Variants in SMAD2 observed in about 807,000 individuals in gnomAD.
SMAD2 encodes the protein MAD homolog 2.
Under a neutral mutation model 64.4 loss-of-function variants are expected in SMAD2, and 8 were observed. That is an observed-to-expected ratio of 0.12 (90% CI 0.07 to 0.22). The LOEUF is 0.22. Among genes scored for constraint, SMAD2 ranks in the 10% least tolerant of loss-of-function variants. The pLI is 1.00. For missense variants in SMAD2, 289 were observed against 561.2 expected (o/e 0.51, Z 4.90); for synonymous variants, 203 against 195.8 (o/e 1.04, Z -0.31).
chr18:47,886,570 C>CATCT (rs5824712), intron 2 of SMAD2, among the ~76,000 whole-genome samples: 49,979 of 146,606 alleles, frequency 0.34, 8,245 homozygotes, highest in South Asian at 0.39. Flanking sequence ...TATATCTATC[C>CATCT]ATCTATCTAT....
intron 10 of SMAD2, among the ~76,000 whole-genome samples, chr18:47,842,491 G>T: frequency 6.6e-6 from 1 of 152,174 alleles, no homozygotes. Context: ...AGTGAGCCGA[G>T]ATCATGCCAC....
At chr18:47,920,893 G>A (rs538541589) in intron 1 of SMAD2, among the ~76,000 whole-genome samples, 9 of 152,326 alleles carry the variant, frequency 5.9e-5, no homozygotes, top group Non-Finnish European at 1.2e-4. Context: ...AGTGGCTTAC[G>A]CCTGTAATCC....
intron 1 of SMAD2, among the ~76,000 whole-genome samples, chr18:47,920,843 A>C (rs2034531206): frequency 6.6e-6 from 1 of 152,230 alleles, no homozygotes. Flanking sequence ...GAAACATTCA[A>C]CAGAGGACTG....
chr18:47,842,021 G>A (rs1914000438), intron 10 of SMAD2, 71 bp from the exon 11 acceptor site: 1 of 1,504,728 alleles, frequency 6.6e-7, no homozygotes, highest in Non-Finnish European at 9.2e-7. Flanking sequence ...CTATGTTTAG[G>A]TACACTGCAT....
At position 47,833,086 on chromosome 18, in the gene SMAD2, G is replaced by A. The variant is rs999186206; in HGVS notation, c.*8741C>T. ...TAAAAATTAAAACAATTAAAAATTA[G>A]TCCCATAGTAACATGGTAAACAACT... is the stretch of plus-strand genomic sequence containing the variant. On this transcript the variant is annotated 3_prime_UTR_variant, in exon 11 of 11. Coordinates refer to ENST00000262160, the MANE Select transcript of SMAD2 (RefSeq NM_005901.6). 3.7e-5 allele frequency: 7 copies of A among 187,198 alleles called. No homozygotes were observed. The highest frequency in any genetic ancestry group is 1.2e-4 in the African/African-American group (5 of 42,746). The allele number at this position is 187,198 out of a possible 1,614,324, so 11.6% of individuals were successfully genotyped here. A position where few individuals can be genotyped will look rare whatever the true frequency, so the allele number is the denominator to read the frequency against.
rs969431215 is a variant in SMAD2, at chr18:47,812,503, A to T, written c.*29324T>A. On this transcript the variant is annotated 3_prime_UTR_variant, in exon 11 of 11. Transcript: ENST00000262160. ...AGGCACCTTCTTCACAAGGTGGCAG[A>T]AGAGAGTGTGAGTGTGTGAAAGTAC... The T allele has an allele frequency of 2.0e-5, 3 of 152,288 alleles. No individual in the cohort carries two copies. The highest frequency in any genetic ancestry group is 4.8e-5 in the African/African-American group (2 of 41,438). The allele number at this position is 152,288 out of a possible 1,614,324, so 9.4% of individuals were successfully genotyped here. A position where few individuals can be genotyped will look rare whatever the true frequency, so the allele number is the denominator to read the frequency against.
rs2033450448 is a variant in SMAD2 at position 47,896,655 on chromosome 18, A to G, written c.102T>C (p.Asn34=). ...GSGGAGGGEQ[N]GQEEKWCEKA... ...TCTCACACCACTTTTCTTCCTGCCC[A>G]TTCTGCTCTCCTCCGCCTGCTCCTC... is the stretch of plus-strand genomic sequence containing the variant. The change falls in exon 2 of 11, where the codon AAT becomes AAC. Residue 34 remains asparagine (N), a synonymous_variant. Transcript: ENST00000262160. The G allele has an allele frequency of 6.2e-7, 1 of 1,613,994 alleles. No individual in the cohort carries two copies. The highest frequency in any genetic ancestry group is 8.5e-7 in the Non-Finnish European group (1 of 1,179,974).
At chr18:47,878,547 T>A (rs1827841669) in intron 2 of SMAD2, 1 of 152,136 alleles carries the variant, frequency 6.6e-6, no homozygotes. Flanking sequence ...GGAGGATAGT[T>A]TGAGTTCAGG....
chr18:47,845,896 G>A (rs1279833426), intron 8 of SMAD2, 96 bp from the exon 9 acceptor site: 1 of 1,054,324 alleles, frequency 9.5e-7, no homozygotes, highest in African/African-American at 1.6e-5. Flanking sequence ...AATGATATAA[G>A]GTATTTCCAG....
intron 1 of SMAD2, among the ~76,000 whole-genome samples, chr18:47,902,642 G>T (rs539447966): frequency 6.6e-6 from 1 of 152,282 alleles, no homozygotes; most frequent in Non-Finnish European, 1.5e-5. Flanking sequence ...GTATTCCATA[G>T]AAGGAATTCC....
intron 1 of SMAD2, among the ~76,000 whole-genome samples, chr18:47,901,187 G>A (rs1169896517): frequency 6.6e-6 from 1 of 152,068 alleles, no homozygotes; most frequent in East Asian, 1.9e-4. Flanking sequence ...TAGATGTTTG[G>A]GCTATTTTAC....
At position 47,826,865 on chromosome 18, in the gene SMAD2, C is replaced by A. The variant is rs1912773768; in HGVS notation, c.*14962G>T. Reference sequence around the variant, plus strand: ...AGATTTAGCCATCTAATACTGAGTACCCACTTCAGGCTGAATGATCTCTCA... The same window carrying A: ...AGATTTAGCCATCTAATACTGAGTAACCACTTCAGGCTGAATGATCTCTCA... On this transcript the variant is annotated 3_prime_UTR_variant, in exon 11 of 11. Coordinates refer to ENST00000262160, the MANE Select transcript of SMAD2 (RefSeq NM_005901.6). 6.6e-6 allele frequency: 1 copy of A among 152,162 alleles called. No homozygotes were observed. The highest frequency in any genetic ancestry group is 2.4e-5 in the African/African-American group (1 of 41,438). 9.4% of individuals were successfully genotyped at this position (152,162 alleles called of 1,614,324 possible).
Position 47,896,527 on chromosome 18 carries a change from A to G in SMAD2, c.230T>C (p.Ile77Thr). 6.2e-7 allele frequency: 1 copy of G among 1,614,192 alleles called. No homozygotes were observed. The highest frequency in any genetic ancestry group is 8.5e-7 in the Non-Finnish European group (1 of 1,180,000). ...TQNCNTKCVT[I>T]PSTCSEIWGL... ...GGGATCTAACAAAACTTACCTTGGT[A>G]TGGTAACACATTTAGTATTACAGTT... The change falls in exon 2 of 11, where the codon ATA becomes ACA. Residue 77 changes from isoleucine to threonine, a missense_variant. Around this residue, in one of 6 missense-constraint regions of SMAD2, gnomAD observed 89 missense variants for 137.1 expected, o/e 0.65. Coordinates refer to ENST00000262160, the MANE Select transcript of SMAD2 (RefSeq NM_005901.6).
intron 2 of SMAD2, among the ~76,000 whole-genome samples, chr18:47,894,628 AT>A (rs1267895997): frequency 6.6e-6 from 1 of 152,192 alleles, no homozygotes; most frequent in African/African-American, 2.4e-5. Flanking sequence ...AATCACCAGT[AT>A]TCCTCCAGAA....
intron 2 of SMAD2, among the ~76,000 whole-genome samples, chr18:47,876,473 G>A (rs117142848): frequency 6.6e-6 from 1 of 151,970 alleles, no homozygotes; most frequent in African/African-American, 2.4e-5. Flanking sequence ...GTTTCTTAAA[G>A]ACAGATTATC....
intron 6 of SMAD2, 94 bp downstream of exon 6, chr18:47,864,965 C>G: frequency 1.3e-6 from 1 of 774,146 alleles, no homozygotes; most frequent in South Asian, 1.4e-5. Context: ...GTCTCAACTT[C>G]TCTAAATTTA....
rs1300521405 is a variant in SMAD2, at chr18:47,881,516, T to C, written c.237-10952A>G. On this transcript the variant is annotated intron_variant, in intron 2 of 10. Transcript: ENST00000262160. ...TATAGATTCTTTAGGATTTCCTACATAAATAAGCATGTCATCTACAAACAG... is the reference window on the plus strand; with the variant it reads ...TATAGATTCTTTAGGATTTCCTACACAAATAAGCATGTCATCTACAAACAG... Among the ~76,000 whole-genome samples, 3 of 152,226 alleles carry C rather than the reference T, an allele frequency of 2.0e-5. No homozygotes were observed. In the South Asian group the frequency reaches 6.2e-4, roughly 32 times the overall value.
intron 2 of SMAD2, among the ~76,000 whole-genome samples, chr18:47,892,697 T>C (rs938364731): frequency 6.6e-6 from 1 of 152,132 alleles, no homozygotes; most frequent in Non-Finnish European, 1.5e-5. Context: ...CTAATTCATA[T>C]TAAAAACAAT....
Position 47,839,542 on chromosome 18 carries a change from A to T in SMAD2, c.*2285T>A, listed in dbSNP as rs1353862259. ...AAACAGTGAGAGCTTACACAACAAA[A>T]GCTTGTTAAATTAAGTAGTACTGAT... On this transcript the variant is annotated 3_prime_UTR_variant, in exon 11 of 11. Transcript: ENST00000262160. 4.3e-6 allele frequency: 1 copy of T among 233,206 alleles called. No homozygotes were observed. Among genetic ancestry groups the T allele is most frequent in the Non-Finnish European group, 8.5e-6 (1 of 118,000 alleles). The allele number at this position is 233,206 out of a possible 1,614,324, so 14.4% of individuals were successfully genotyped here.
Sources: gnomAD v4.1 joint callset for allele counts (sites outside exome capture counted in the v4.1 genomes callset) on GRCh38, gnomAD v4.1.1 for gene constraint, gnomAD v4.1.1 regional missense constraint, MANE v1.5 for transcripts, NCBI Gene and HGNC (gene_info 2026-07-23, HGNC 2026-07-21) for gene names.